Variants in MAP4K5 observed in about 807,000 individuals in gnomAD.
The protein encoded by MAP4K5 is mitogen-activated protein kinase kinase kinase kinase 5.
A neutral mutation model predicts 135.6 loss-of-function variants in MAP4K5; 82 were observed. That is an observed-to-expected ratio of 0.60 (90% confidence interval 0.51 to 0.73). The LOEUF is 0.73. Ranked by LOEUF, MAP4K5 falls within the 30% of genes least tolerant of loss-of-function variation. The pLI, the probability that MAP4K5 is intolerant of heterozygous loss-of-function variation, is 0.00. For missense variants in MAP4K5, 907 were observed against 1,010.9 expected (o/e 0.90, Z 1.39); for synonymous variants, 347 against 335.0 (o/e 1.04, Z -0.39).
At chr14:50,439,105 T>C (rs928662425) in intron 23 of MAP4K5, among the ~76,000 whole-genome samples, 1 of 151,852 alleles carries the variant, frequency 6.6e-6, no homozygotes, top group Admixed American at 6.6e-5. Context: ...TTAAATATTC[T>C]TTTGAGGACT....
chr14:50,466,777 G>A, intron 10 of MAP4K5, 132 bp from the exon 11 acceptor site: 1 of 472,518 alleles, frequency 2.1e-6, no homozygotes. Flanking sequence ...ATGGGATATA[G>A]AAATTAAATT....
intron 6 of MAP4K5, among the ~76,000 whole-genome samples, chr14:50,481,369 G>A (rs753156507): frequency 5.9e-5 from 9 of 151,266 alleles, no homozygotes; most frequent in Non-Finnish European, 1.2e-4. Context: ...CAGTGTTTAT[G>A]TCTTTTAAAG....
intron 18 of MAP4K5, 130 bp from the exon 19 acceptor site, chr14:50,444,166 C>T (rs1428030253): frequency 3.0e-6 from 2 of 671,422 alleles, no homozygotes; most frequent in Non-Finnish European, 5.3e-6. Context: ...TCTCTACTCT[C>T]AGGTAAGTTA....
At position 50,550,841 on chromosome 14, in the gene MAP4K5, T is replaced by G. The variant is rs1387797760; in HGVS notation, c.-179-8257A>C. Reference sequence around the variant, plus strand: ...AATCAAGATGGAAATTTAAAAATTCTTTGAACTGAATGATAGTGACACAAC... The same window carrying G: ...AATCAAGATGGAAATTTAAAAATTCGTTGAACTGAATGATAGTGACACAAC... On this transcript the variant is annotated intron_variant, in intron 1 of 8. Transcript: ENST00000555216. 2.0e-5 allele frequency among the ~76,000 whole-genome samples: 3 copies of G among 152,300 alleles called. No individual in the cohort carries two copies. In the East Asian group the frequency reaches 5.8e-4, roughly 29 times the overall value.
intron 2 of MAP4K5, among the ~76,000 whole-genome samples, chr14:50,539,497 G>A (rs1001438500): frequency 1.3e-5 from 2 of 152,198 alleles, no homozygotes; most frequent in African/African-American, 4.8e-5. Flanking sequence ...TCCAGGGCCT[G>A]ACTATAAAGG....
rs145716855 is a variant in MAP4K5, at chr14:50,462,526, G to A, written c.936+139C>T. The A allele has an allele frequency of 6.3e-6, 4 of 631,928 alleles. No homozygotes were observed. The East Asian group carries it at 1.2e-4, about 19-fold the overall frequency. 39.1% of individuals were successfully genotyped at this position (631,928 alleles called of 1,614,324 possible). On this transcript the variant is annotated intron_variant, in intron 13 of 32. Coordinates refer to ENST00000682126, the MANE Select transcript of MAP4K5 (RefSeq NM_006575.6). ...GATAATTATGTGCAGGAAAAGTGTAGTTTACATTATTAATCTCTGTAGCTA... is the reference window on the plus strand; with the variant it reads ...GATAATTATGTGCAGGAAAAGTGTAATTTACATTATTAATCTCTGTAGCTA...
chr14:50,439,784 T>C (rs1370579074), intron 23 of MAP4K5, among the ~76,000 whole-genome samples: 2 of 152,088 alleles, frequency 1.3e-5, no homozygotes, highest in Non-Finnish European at 2.9e-5. Context: ...GTGATACCCT[T>C]CAGGTGTTTA....
At chr14:50,465,956 C>T (rs770241590) in intron 11 of MAP4K5, among the ~76,000 whole-genome samples, 4 of 152,128 alleles carry the variant, frequency 2.6e-5, no homozygotes, top group Admixed American at 1.3e-4. Context: ...TGCCTGTAGT[C>T]CCAGCTACTC....
At chr14:50,553,747 T>C (rs139589487) in intron 1 of MAP4K5, among the ~76,000 whole-genome samples, 21 of 152,292 alleles carry the variant, frequency 1.4e-4, no homozygotes, top group African/African-American at 4.8e-4. Context: ...GTGGTATATA[T>C]ACACCATGGA....
intron 14 of MAP4K5, among the ~76,000 whole-genome samples, chr14:50,453,551 T>G (rs186514164): frequency 4.9e-4 from 74 of 152,244 alleles, no homozygotes; most frequent in African/African-American, 1.6e-3. Context: ...TGAAATCACA[T>G]TTAGAATGAA....
At chr14:50,452,792 G>A (rs2036519560) in intron 14 of MAP4K5, among the ~76,000 whole-genome samples, 1 of 152,192 alleles carries the variant, frequency 6.6e-6, no homozygotes, top group Admixed American at 6.5e-5. Context: ...AAAAAGAGGT[G>A]ACAAGGAATC....
At chr14:50,431,575 T>C (rs1019893510) in intron 28 of MAP4K5, among the ~76,000 whole-genome samples, 1 of 152,148 alleles carries the variant, frequency 6.6e-6, no homozygotes, top group African/African-American at 2.4e-5. Flanking sequence ...CTACAAAGGA[T>C]ATGAACTCAT....
chr14:50,463,533 G>A (rs2036758097), intron 12 of MAP4K5, among the ~76,000 whole-genome samples: 1 of 152,102 alleles, frequency 6.6e-6, no homozygotes, highest in Admixed American at 6.5e-5. Context: ...CTCAGTAGTT[G>A]TGGCAGAGGC....
rs2035832780 is a variant in MAP4K5 at position 50,425,817 on chromosome 14, T to C, written c.2397+90A>G. 3.5e-6 allele frequency: 3 copies of C among 845,178 alleles called. No homozygotes were observed. In the Admixed American group the frequency reaches 6.5e-5, roughly 18 times the overall value. 52.4% of individuals were successfully genotyped at this position (845,178 alleles called of 1,614,324 possible). A position where few individuals can be genotyped will look rare whatever the true frequency, so the allele number is the denominator to read the frequency against. Reference sequence around the variant, plus strand: ...GTATTAAAAGCACTAAACACAGTAATGTAGGTTCAGAGAGGAAATGCATAA... The same window carrying C: ...GTATTAAAAGCACTAAACACAGTAACGTAGGTTCAGAGAGGAAATGCATAA... On this transcript the variant is annotated intron_variant, in intron 31 of 32. Coordinates refer to ENST00000682126, the MANE Select transcript of MAP4K5 (RefSeq NM_006575.6).
At chr14:50,480,155 T>C (rs1294044948) in intron 6 of MAP4K5, among the ~76,000 whole-genome samples, 1 of 151,936 alleles carries the variant, frequency 6.6e-6, no homozygotes, top group African/African-American at 2.4e-5. Flanking sequence ...AAGCTTCATA[T>C]TGGTTTTTTT....
At chr14:50,539,622 A>G (rs2038536186) in intron 2 of MAP4K5, among the ~76,000 whole-genome samples, 1 of 152,258 alleles carries the variant, frequency 6.6e-6, no homozygotes, top group African/African-American at 2.4e-5. Flanking sequence ...TTGAGCAGAT[A>G]TGAATGAGGC....
At chr14:50,500,822 T>C (rs539359594) in intron 3 of MAP4K5, among the ~76,000 whole-genome samples, 1 of 152,280 alleles carries the variant, frequency 6.6e-6, no homozygotes, top group South Asian at 2.1e-4. Flanking sequence ...AAATCGAGGT[T>C]AATGCCTACA....
At chr14:50,481,728 A>G (rs1014093038) in intron 6 of MAP4K5, among the ~76,000 whole-genome samples, 42 of 152,314 alleles carry the variant, frequency 2.8e-4, no homozygotes, top group Non-Finnish European at 5.0e-4. Flanking sequence ...TCTTTATTGA[A>G]TATTCATAAC....
intron 3 of MAP4K5, among the ~76,000 whole-genome samples, chr14:50,488,843 T>C (rs2037423221): frequency 6.6e-6 from 1 of 152,330 alleles, no homozygotes; most frequent in East Asian, 1.9e-4. Flanking sequence ...TTCACTATTA[T>C]ATTATTTGAA....
Sources: gnomAD v4.1 joint callset for allele counts (sites outside exome capture counted in the v4.1 genomes callset) on GRCh38, gnomAD v4.1.1 for gene constraint, MANE v1.5 for transcripts, NCBI Gene and HGNC (gene_info 2026-07-23, HGNC 2026-07-21) for gene names.